Variants in UBR4 observed in about 807,000 individuals in gnomAD.
UBR4 encodes E3 ubiquitin-protein ligase UBR4.
Under a neutral mutation model 575.6 loss-of-function variants are expected in UBR4, and 124 were observed. That is an observed-to-expected ratio of 0.22 (90% CI 0.19 to 0.25). The LOEUF is 0.25. Among genes scored for constraint, UBR4 ranks in the 10% least tolerant of loss-of-function variants. The pLI is 1.00. For missense variants in UBR4, 4,818 were observed against 6,478.8 expected, an observed-to-expected ratio of 0.74 and a Z score of 8.80; for synonymous variants, 2,455 against 2,473.7, an observed-to-expected ratio of 0.99 and a Z score of 0.22.
chr1:19,085,871 T>C (rs1179668245), intron 101 of UBR4, among the ~76,000 whole-genome samples: 1 of 152,120 alleles, frequency 6.6e-6, no homozygotes, highest in Non-Finnish European at 1.5e-5. Flanking sequence ...AGCAAAGGAA[T>C]AGTGAAGACC....
chr1:19,162,015 T>C, intron 35 of UBR4, 118 bp from the exon 36 acceptor site: 6 of 1,154,082 alleles, frequency 5.2e-6, no homozygotes, highest in Non-Finnish European at 7.5e-6. Flanking sequence ...AAATGACCCG[T>C]GGAAATCTAC....
Position 19,185,282 on chromosome 1 carries a change from A to T in UBR4, c.1755T>A (p.Asp585Glu). The T allele has an allele frequency of 6.5e-7, 1 of 1,550,376 alleles. No homozygotes were observed. The highest frequency in any genetic ancestry group is 8.7e-7 in the Non-Finnish European group (1 of 1,153,916). The change falls in exon 15 of 106, where the codon GAT becomes GAA. Residue 585 changes from aspartate (D) to glutamate (E), a missense_variant. Physicochemically the swap from Asp to Glu is conservative, Grantham distance 45 (BLOSUM62 2). Transcript: ENST00000375254. Reference sequence around the variant, plus strand: ...ATTGCCCCAAAATAGGCTCACTGTCATCGTCTGAATAGAGAAAGATAAAGT... The same window carrying T: ...ATTGCCCCAAAATAGGCTCACTGTCTTCGTCTGAATAGAGAAAGATAAAGT... ...SSTEEDSSQD[D>E]DSEPILGQWF...
intron 54 of UBR4, among the ~76,000 whole-genome samples, chr1:19,144,318 T>A (rs774278521): frequency 2.0e-5 from 3 of 152,258 alleles, no homozygotes; most frequent in Non-Finnish European, 2.9e-5. Flanking sequence ...TTCCTGGGGA[T>A]GGACTGGCAG....
At position 19,170,889 on chromosome 1, in the gene UBR4, G is replaced by GA. The variant is rs1365125204; in HGVS notation, c.3522-7dup. 1.2e-6 allele frequency: 2 copies of GA among 1,613,834 alleles called. No individual in the cohort carries two copies. The highest frequency in any genetic ancestry group is 1.7e-6 in the Non-Finnish European group (2 of 1,179,970). On this transcript the variant is annotated splice_polypyrimidine_tract_variant and splice_region_variant and intron_variant, in intron 25 of 105. Transcript: ENST00000375254. Reference sequence around the variant, plus strand: ...AGTTTTGCAGCAAATAGGCTCTGGGGAAAAAACAGGGGGAAAGTGAAGCCA... The same window carrying GA: ...AGTTTTGCAGCAAATAGGCTCTGGGGAAAAAAACAGGGGGAAAGTGAAGCCA...
intron 17 of UBR4, among the ~76,000 whole-genome samples, chr1:19,180,104 T>A (rs2090736193): frequency 6.6e-6 from 1 of 152,162 alleles, no homozygotes. Context: ...AGACAGGAAG[T>A]ATTATGTGCT....
Position 19,090,932 on chromosome 1 carries a change from T to TA in UBR4, c.14211+1886dup, listed in dbSNP as rs532157838. 3.0e-3 allele frequency among the ~76,000 whole-genome samples: 452 copies of TA among 152,076 alleles called. 2 individuals carry two copies. Among genetic ancestry groups the TA allele is most frequent in the African/African-American group, 0.011 (440 of 41,496 alleles). The stretch of plus-strand genomic sequence containing the variant: ...CAACATGGTGAAACCCCGAGTCTAC[T>TA]AAAAATACAAAAAATTGGCCAGGTG... On this transcript the variant is annotated intron_variant, in intron 97 of 105. Coordinates refer to ENST00000375254, the MANE Select transcript of UBR4 (RefSeq NM_020765.3).
Position 19,119,615 on chromosome 1 carries a change from G to A in UBR4, c.10397C>T (p.Ala3466Val), listed in dbSNP as rs1397906027. ...PELPAYGRKA[A>V]QFVDLLGYFS... The stretch of plus-strand genomic sequence containing the variant: ...ATATCCTAGTAGGTCCACAAACTGG[G>A]CAGCCTTACGACCATAGGCTGGGAG... Residue 3466 changes from alanine (A) to valine (V), a missense_variant, in exon 70 of 106, where the codon GCC (alanine) becomes GTC (valine). Around this residue, in one of 29 missense-constraint regions of UBR4, gnomAD observed 550 missense variants for 791.5 expected, o/e 0.69. Coordinates refer to ENST00000375254, the MANE Select transcript of UBR4 (RefSeq NM_020765.3). 2 of 1,614,026 alleles carry A rather than the reference G, an allele frequency of 1.2e-6. No homozygotes were observed. Among genetic ancestry groups the A allele is most frequent in the African/African-American group, 2.7e-5 (2 of 75,046 alleles).
chr1:19,182,114 T>C (rs1371942927), intron 17 of UBR4, among the ~76,000 whole-genome samples: 1 of 152,238 alleles, frequency 6.6e-6, no homozygotes, highest in East Asian at 1.9e-4. Flanking sequence ...TTTATCCATG[T>C]TGTAGCATGT....
chr1:19,078,104 TAGG>T, intron 103 of UBR4, 38 bp from the exon 104 acceptor site: 1 of 1,600,018 alleles, frequency 6.2e-7, no homozygotes, highest in East Asian at 2.2e-5. Flanking sequence ...ATGAAGTCCC[TAGG>T]AGGATACTCA....
intron 14 of UBR4, among the ~76,000 whole-genome samples, chr1:19,185,511 C>T (rs546641812): frequency 1.6e-4 from 24 of 151,638 alleles, no homozygotes; most frequent in African/African-American, 5.1e-4. Flanking sequence ...AGATTCAACC[C>T]GTTAAGAATT....
Position 19,161,860 on chromosome 1 carries a change from G to A in UBR4, c.4994C>T (p.Thr1665Met), listed in dbSNP as rs750259030. Reference protein sequence around the residue: ...DSLCNKLCTFTITQKEFMNQH... With the variant: ...DSLCNKLCTFMITQKEFMNQH... ...GTTCATGAATTCTTTCTGTGTGATCGTAAAAGTGCAGAGTTTATTGCAAAG... is the reference window on the plus strand; with the variant it reads ...GTTCATGAATTCTTTCTGTGTGATCATAAAAGTGCAGAGTTTATTGCAAAG... The change falls in exon 36 of 106, where the codon ACG becomes ATG. Residue 1665 changes from threonine to methionine, a missense_variant. Thr to Met is a moderately conservative substitution (Grantham distance 81, BLOSUM62 -1). This residue lies in a region of UBR4 where 18 missense variants were observed against 37.3 expected (regional missense o/e 0.48). Coordinates refer to ENST00000375254, the MANE Select transcript of UBR4 (RefSeq NM_020765.3). 5 of 1,614,124 alleles carry A rather than the reference G, an allele frequency of 3.1e-6. No individual in the cohort carries two copies. The highest frequency in any genetic ancestry group is 1.3e-5 in the African/African-American group (1 of 74,958).
chr1:19,123,149 T>C, intron 65 of UBR4, 89 bp from the exon 66 acceptor site: 1 of 1,406,920 alleles, frequency 7.1e-7, no homozygotes, highest in South Asian at 1.3e-5. Context: ...TTTAATAAAC[T>C]GTTATTAAAA....
intron 68 of UBR4, 125 bp from the exon 69 acceptor site, chr1:19,120,473 T>C (rs765761341): frequency 7.3e-6 from 9 of 1,235,624 alleles, no homozygotes; most frequent in Non-Finnish European, 1.0e-5. Flanking sequence ...TACTGAATGC[T>C]GATATTCTGC....
In UBR4 at chr1:19,150,271, G is replaced by C. The variant is rs557301723; in HGVS notation, c.7430+306C>G. Among the ~76,000 whole-genome samples the C allele has an allele frequency of 8.0e-4, 122 of 152,254 alleles. 1 individual carries two copies. The highest frequency in any genetic ancestry group is 2.6e-3 in the African/African-American group (109 of 41,542). On this transcript the variant is annotated intron_variant, in intron 49 of 105. Coordinates refer to ENST00000375254, the MANE Select transcript of UBR4 (RefSeq NM_020765.3). Reference sequence around the variant, plus strand: ...TTCAGCAAGCCTGGATCCTAATCTAGAATACTGGCTTGAGCATCGTCTAGC... The same window carrying C: ...TTCAGCAAGCCTGGATCCTAATCTACAATACTGGCTTGAGCATCGTCTAGC...
At chr1:19,201,623 T>C (rs909824569) in intron 2 of UBR4, 95 bp downstream of exon 2, 4 of 1,111,002 alleles carry the variant, frequency 3.6e-6, no homozygotes, top group Non-Finnish European at 5.2e-6. Context: ...AAACCTAGAC[T>C]TCATTAACAA....
At chr1:19,175,607 C>A (rs2090156793) in intron 20 of UBR4, among the ~76,000 whole-genome samples, 1 of 152,118 alleles carries the variant, frequency 6.6e-6, no homozygotes, top group South Asian at 2.1e-4. Flanking sequence ...TAGAGATAAT[C>A]TCATGTTCAC....
intron 1 of UBR4, among the ~76,000 whole-genome samples, chr1:19,206,065 C>T (rs915502656): frequency 3.3e-5 from 5 of 152,182 alleles, no homozygotes; most frequent in Admixed American, 6.5e-5. Flanking sequence ...ATCCCATGGA[C>T]GGTATGTGCT....
intron 2 of UBR4, 69 bp downstream of exon 2, chr1:19,201,649 T>G: frequency 7.3e-7 from 1 of 1,379,012 alleles, no homozygotes; most frequent in Non-Finnish European, 1.0e-6. Context: ...TCAGATACAC[T>G]AACGAGAGGA....
At position 19,127,609 on chromosome 1, in the gene UBR4, C is replaced by G; in HGVS notation, c.9228+14G>C. Reference sequence around the variant, plus strand: ...TTACCTTTCCCCAAACCCATGAACCCAAAGCAAAAATACCTCACATATGGA... The same window carrying G: ...TTACCTTTCCCCAAACCCATGAACCGAAAGCAAAAATACCTCACATATGGA... On this transcript the variant is annotated intron_variant, in intron 63 of 105. Transcript: ENST00000375254. The G allele has an allele frequency of 1.2e-6, 2 of 1,611,612 alleles. No homozygotes were observed.
Sources: allele counts gnomAD v4.1 joint callset (sites outside exome capture counted in the v4.1 genomes callset), GRCh38; gene constraint gnomAD v4.1.1; regional missense constraint gnomAD v4.1.1; transcripts MANE v1.5; gene names NCBI Gene and HGNC (gene_info 2026-07-23, HGNC 2026-07-21).